The following TMX3 variants were observed in gnomAD, a reference collection of about 807,000 sequenced individuals.
TMX3 encodes the protein thioredoxin related transmembrane protein 3, also known as protein disulfide-isomerase TMX3.
A neutral mutation model predicts 64.4 loss-of-function variants in TMX3; 40 were observed. The ratio of observed to expected loss-of-function variants is 0.62; its 90% confidence interval spans 0.48 to 0.81. The LOEUF (loss-of-function observed/expected upper bound fraction) is 0.81. Ranked by LOEUF, TMX3 falls within the 30% of genes least tolerant of loss-of-function variation. The pLI, the probability that TMX3 is intolerant of heterozygous loss-of-function variation, is 0.00. For synonymous variants in TMX3, 189 were observed against 175.7 expected (o/e 1.08, Z -0.60); for missense variants, 497 against 534.5 (o/e 0.93, Z 0.69).
chr18:68,680,858 G>A, intron 14 of TMX3, 123 bp downstream of exon 14: 1 of 859,350 alleles, frequency 1.2e-6, no homozygotes. Flanking sequence ...AATGTATGGA[G>A]GTCCAGCCCT....
intron 4 of TMX3, among the ~76,000 whole-genome samples, chr18:68,702,872 A>C (rs1293955303): frequency 6.6e-6 from 1 of 152,230 alleles, no homozygotes; most frequent in African/African-American, 2.4e-5. Context: ...TTCATTTGTC[A>C]ACTCTAGTTT....
chr18:68,712,819 G>A (rs547362558), intron 2 of TMX3, among the ~76,000 whole-genome samples: 8 of 151,992 alleles, frequency 5.3e-5, no homozygotes, highest in Non-Finnish European at 1.0e-4. Flanking sequence ...CATGAGCAGC[G>A]AAGTGCCCCC....
chr18:68,682,704 G>A (rs1371760710), intron 13 of TMX3, among the ~76,000 whole-genome samples: 3 of 143,862 alleles, frequency 2.1e-5, no homozygotes, highest in Middle Eastern at 3.6e-3. Flanking sequence ...TAAATCAGGA[G>A]ATAATTTTTT....
At chr18:68,677,551 G>T (rs565980657) in intron 15 of TMX3, among the ~76,000 whole-genome samples, 6 of 151,900 alleles carry the variant, frequency 3.9e-5, no homozygotes, top group Non-Finnish European at 8.8e-5. Context: ...TGAACCACAG[G>T]AATCTGCTTA....
intron 8 of TMX3, among the ~76,000 whole-genome samples, chr18:68,692,885 A>C (rs915170499): frequency 1.3e-5 from 2 of 152,178 alleles, no homozygotes; most frequent in Non-Finnish European, 2.9e-5. Context: ...TTGGCCTAAG[A>C]CACCCCCATT....
At chr18:68,713,627 G>GA (rs1217958515) in intron 2 of TMX3, among the ~76,000 whole-genome samples, 2 of 151,752 alleles carry the variant, frequency 1.3e-5, no homozygotes, top group Non-Finnish European at 2.9e-5. Flanking sequence ...AGATAATGAG[G>GA]AAAAAAAGAA....
rs1215771338 is a variant in TMX3, at chr18:68,674,943, T to A, written c.*1990A>T. On this transcript the variant is annotated 3_prime_UTR_variant, in exon 16 of 16. Coordinates refer to ENST00000299608, the MANE Select transcript of TMX3 (RefSeq NM_019022.5). ...ATAAACGAAGATCATATTTTGTGGA[T>A]GTTTGCATTCACACTGAGCTTTACT... 6.6e-6 allele frequency: 1 copy of A among 152,172 alleles called. No individual in the cohort carries two copies. The highest frequency in any genetic ancestry group is 1.5e-5 in the Non-Finnish European group (1 of 68,002). 9.4% of individuals were successfully genotyped at this position (152,172 alleles called of 1,614,324 possible).
intron 4 of TMX3, 75 bp from the exon 5 acceptor site, chr18:68,701,865 C>A: frequency 8.1e-7 from 1 of 1,228,940 alleles, no homozygotes; most frequent in South Asian, 1.3e-5. Context: ...GAGGCTTTTA[C>A]TTTAAAAATA....
In TMX3 at chr18:68,684,492, TAAAG is replaced by T. The variant is rs1568181756; in HGVS notation, c.737-11_737-8del. On this transcript the variant is annotated splice_region_variant and splice_polypyrimidine_tract_variant and intron_variant, in intron 10 of 15. Coordinates refer to ENST00000299608, the MANE Select transcript of TMX3 (RefSeq NM_019022.5). ...GCAAGAGCCACAAGCTTTCCTGAAA[TAAAG>T]AATGACACATCTGAATTCAATCACC... 1.9e-6 allele frequency: 3 copies of T among 1,611,656 alleles called. No homozygotes were observed. In the African/African-American group the frequency reaches 4.0e-5, roughly 22 times the overall value.
At chr18:68,708,246 T>C (rs1267624886) in intron 4 of TMX3, among the ~76,000 whole-genome samples, 4 of 152,096 alleles carry the variant, frequency 2.6e-5, no homozygotes, top group Non-Finnish European at 5.9e-5. Flanking sequence ...TCTTCTCCTC[T>C]CAAAATTTCA....
intron 4 of TMX3, 82 bp from the exon 5 acceptor site, chr18:68,701,872 AAT>A (rs2030117161): frequency 3.5e-6 from 4 of 1,145,660 alleles, no homozygotes; most frequent in East Asian, 4.9e-5. Flanking sequence ...TTACTTTAAA[AAT>A]AGAGATATTT....
chr18:68,688,182 T>C (rs2849833), intron 9 of TMX3, among the ~76,000 whole-genome samples: 20,196 of 152,092 alleles, frequency 0.13, 4,019 homozygotes, highest in African/African-American at 0.43. Context: ...GATAAACTCA[T>C]AGAATGATAA....
At chr18:68,713,795 T>G (rs2031570603) in intron 2 of TMX3, 51 bp downstream of exon 2, 1 of 905,974 alleles carries the variant, frequency 1.1e-6, no homozygotes, top group African/African-American at 1.7e-5. Context: ...TATTCAGATA[T>G]CTGAGTTGGA....
intron 1 of TMX3, 32 bp downstream of exon 1, chr18:68,714,904 C>A (rs1218900625): frequency 1.3e-6 from 2 of 1,549,454 alleles, no homozygotes; most frequent in Non-Finnish European, 8.7e-7. Context: ...CCCACGCGCC[C>A]GCCAGCGTCC....
rs1913365887 is a variant in TMX3, at chr18:68,680,967, A to G, written c.1035+14T>C. On this transcript the variant is annotated intron_variant, in intron 14 of 15. Coordinates refer to ENST00000299608, the MANE Select transcript of TMX3 (RefSeq NM_019022.5). ...CTGTCCATCATCTCTTTGAAACAGAAGTGAACAACTTACTTCTACTGTGCC... is the reference window on the plus strand; with the variant it reads ...CTGTCCATCATCTCTTTGAAACAGAGGTGAACAACTTACTTCTACTGTGCC... 2 of 1,565,780 alleles carry G rather than the reference A, an allele frequency of 1.3e-6. No homozygotes were observed. The highest frequency in any genetic ancestry group is 8.6e-7 in the Non-Finnish European group (1 of 1,157,902).
rs538426324 is a variant in TMX3, at chr18:68,681,449, T to G, written c.906-339A>C. 2.5e-5 allele frequency: 25 copies of G among 983,468 alleles called. No individual in the cohort carries two copies. In the Admixed American group the frequency reaches 6.1e-4, roughly 24 times the overall value. The allele number at this position is 983,468 out of a possible 1,614,324, so 60.9% of individuals were successfully genotyped here. ...ACTTATGTTGTTCAACGGTCAACAG[T>G]CCCTTTAATAATTGTATAGATACTT... On this transcript the variant is annotated intron_variant, in intron 13 of 15. Transcript: ENST00000299608.
intron 2 of TMX3, 133 bp from the exon 3 acceptor site, chr18:68,711,536 T>A: frequency 1.9e-6 from 1 of 519,474 alleles, no homozygotes; most frequent in Non-Finnish European, 3.3e-6. Context: ...TTACATAAAA[T>A]TTTTACTCAG....
At chr18:68,699,102 C>T (rs1599326716) in intron 6 of TMX3, among the ~76,000 whole-genome samples, 1 of 152,020 alleles carries the variant, frequency 6.6e-6, no homozygotes, top group South Asian at 2.1e-4. Context: ...AATTTTCACT[C>T]TATCACATTT....
intron 4 of TMX3, among the ~76,000 whole-genome samples, chr18:68,708,749 C>T (rs146690975): frequency 6.6e-6 from 1 of 152,266 alleles, no homozygotes; most frequent in East Asian, 1.9e-4. Context: ...ATCCAAAACA[C>T]TGCCTGACCT....
Sources: allele counts gnomAD v4.1 joint callset (sites outside exome capture counted in the v4.1 genomes callset), GRCh38; gene constraint gnomAD v4.1.1; transcripts MANE v1.5; gene names NCBI Gene and HGNC (gene_info 2026-07-23, HGNC 2026-07-21).